The following PHYKPL variants were observed in gnomAD, a reference collection of about 807,000 sequenced individuals.
PHYKPL encodes the protein 5-phosphohydroxy-L-lysine phospho-lyase.
A neutral mutation model predicts 51.3 loss-of-function variants in PHYKPL; 42 were observed. That is an observed-to-expected ratio of 0.82 (90% CI 0.64 to 1.06). PHYKPL has a LOEUF of 1.06. Ranked by LOEUF, PHYKPL falls within the 50% of genes least tolerant of loss-of-function variation. The pLI is 0.00. For missense variants in PHYKPL, 655 were observed against 586.6 expected (o/e 1.12, Z -1.20); for synonymous variants, 264 against 236.0 (o/e 1.12, Z -1.09).
chr5:178,214,953 T>C (rs2113751587), intron 9 of PHYKPL, 68 bp from the exon 10 acceptor site: 1 of 1,463,420 alleles, frequency 6.8e-7, no homozygotes, highest in Non-Finnish European at 9.5e-7. Context: ...CCTCAGCCTC[T>C]GGGCTCCTAC....
intron 8 of PHYKPL, among the ~76,000 whole-genome samples, chr5:178,219,708 C>T (rs1760736963): frequency 2.6e-5 from 4 of 151,916 alleles, no homozygotes; most frequent in South Asian, 2.1e-4. Flanking sequence ...CCTCGGCTTC[C>T]CAAAGTGCTG....
intron 7 of PHYKPL, 71 bp from the exon 8 acceptor site, chr5:178,222,651 G>A (rs573701859): frequency 2.4e-5 from 37 of 1,526,996 alleles, no homozygotes; most frequent in East Asian, 2.1e-4. Flanking sequence ...AGGAGGTCTC[G>A]GGGCTTTGCA....
intron 1 of PHYKPL, 43 bp from the exon 2 acceptor site, chr5:178,231,566 G>C: frequency 6.2e-7 from 1 of 1,613,798 alleles, no homozygotes; most frequent in East Asian, 2.2e-5. Context: ...TCTGAAGACC[G>C]AAAGGGTGAA....
rs1437178444 is a variant in PHYKPL, at chr5:178,215,127, A to C, written c.1082+149T>G. Reference sequence around the variant, plus strand: ...GTCCTAGCTTTCTCCTCCCCAGGAGAGCCGTTTTGGGCAATAGCACCTCTC... The same window carrying C: ...GTCCTAGCTTTCTCCTCCCCAGGAGCGCCGTTTTGGGCAATAGCACCTCTC... On this transcript the variant is annotated intron_variant, in intron 9 of 12. Transcript: ENST00000308158. 26 of 1,286,550 alleles carry C rather than the reference A, an allele frequency of 2.0e-5. No homozygotes were observed. In the Admixed American group the frequency reaches 3.6e-4, roughly 18 times the overall value. 79.7% of individuals were successfully genotyped at this position (1,286,550 alleles called of 1,614,324 possible).
In PHYKPL at chr5:178,224,479, A is replaced by G. The variant is rs772711899; in HGVS notation, c.587T>C (p.Val196Ala). Residue 196 changes from valine (V) to alanine (A), a missense_variant, in exon 6 of 13, where the codon GTG becomes GCG. Val to Ala is a moderately conservative substitution (Grantham distance 64). Transcript: ENST00000308158. The stretch of plus-strand genomic sequence containing the variant: ...GCCCTTCTCCTGTGCACTGCTGACC[A>G]CACGTTTCACCTCGTTGGCATAGGC... The part of the protein sequence containing the change: ...AMAYANEVKR[V>A]VSSAQEKGRK... 3 of 1,605,640 alleles carry G rather than the reference A, an allele frequency of 1.9e-6. No homozygotes were observed. Among genetic ancestry groups the G allele is most frequent in the African/African-American group, 2.7e-5 (2 of 74,984 alleles).
chr5:178,220,364 G>A (rs552594016), intron 8 of PHYKPL, among the ~76,000 whole-genome samples: 7 of 151,712 alleles, frequency 4.6e-5, no homozygotes, highest in South Asian at 4.2e-4. Flanking sequence ...CAGGTGTGGC[G>A]CATGCCTGTA....
Position 178,222,447 on chromosome 5 carries a change from A to C in PHYKPL, c.835T>G (p.Ser279Ala). ...FVPDIVTMGKSIGNGHPVACV... is the reference protein window; with the variant it reads ...FVPDIVTMGKAIGNGHPVACV... ...GCAACAGGGTGGCCGTTGCCAATGG[A>C]CTTGCCCATGGTGACGATGTCAGGG... Residue 279 changes from serine (S) to alanine (A), a missense_variant, in exon 8 of 13, where the codon TCC becomes GCC. By Grantham distance (99) the Ser-to-Ala change is moderately conservative. Coordinates refer to ENST00000308158, the MANE Select transcript of PHYKPL (RefSeq NM_153373.4). 1 of 1,614,262 alleles carries C rather than the reference A, an allele frequency of 6.2e-7. No individual in the cohort carries two copies. Among genetic ancestry groups the C allele is most frequent in the Non-Finnish European group, 8.5e-7 (1 of 1,180,054 alleles).
chr5:178,231,368 C>T (rs1466401270), intron 2 of PHYKPL, 37 bp downstream of exon 2: 20 of 1,613,932 alleles, frequency 1.2e-5, no homozygotes, highest in Non-Finnish European at 2.5e-6. Flanking sequence ...GCACTGCCTT[C>T]CTCTCCTGCC....
Position 178,229,862 on chromosome 5 carries a change from A to G in PHYKPL, c.338+78T>C, listed in dbSNP as rs569015593. ...TCCGAGTCCACACTCGGTCAGCTAC[A>G]CTACACTGGGCCCATGTGAGTGACT... is the stretch of plus-strand genomic sequence containing the variant. On this transcript the variant is annotated intron_variant, in intron 3 of 12. Transcript: ENST00000308158. 8.2e-5 allele frequency: 128 copies of G among 1,553,696 alleles called. No homozygotes were observed. The Admixed American group carries it at 1.8e-3, about 22-fold the overall frequency.
At chr5:178,229,103 AT>A (rs55725801) in intron 3 of PHYKPL, among the ~76,000 whole-genome samples, 3,158 of 118,208 alleles carry the variant, frequency 0.027, 61 homozygotes, top group African/African-American at 0.086. Flanking sequence ...TGATGAGACT[AT>A]TTTTTTTTTT....
At chr5:178,225,541 C>T in intron 3 of PHYKPL, 112 bp from the exon 4 acceptor site, 2 of 972,074 alleles carry the variant, frequency 2.1e-6, no homozygotes, top group Non-Finnish European at 3.2e-6. Context: ...AGGACATCAA[C>T]TAGTCAGTCA....
downstream of PHYKPL, chr5:178,207,276 CCT>C: frequency 6.2e-7 from 1 of 1,605,916 alleles, no homozygotes; most frequent in Non-Finnish European, 8.5e-7. Flanking sequence ...GAGAGCTGGC[CCT>C]TAGAGGGATG....
chr5:178,212,967 G>A lies in PHYKPL; in HGVS notation c.1303+6C>T. ...AGATATGGCCAAGCTCAGGCTTCAA[G>A]CTCACCAGTCAGAATGGCATCCAGC... On this transcript the variant is annotated splice_donor_region_variant and intron_variant, in intron 11 of 12. Transcript: ENST00000308158. 2 of 1,613,902 alleles carry A rather than the reference G, an allele frequency of 1.2e-6. No individual in the cohort carries two copies. Among genetic ancestry groups the A allele is most frequent in the African/African-American group, 1.3e-5 (1 of 75,050 alleles).
At chr5:178,211,862 T>C in intron 12 of PHYKPL, 28 bp downstream of exon 12, 1 of 1,555,310 alleles carries the variant, frequency 6.4e-7, no homozygotes, top group Non-Finnish European at 8.9e-7. Context: ...CTGTGCATCT[T>C]CAAGAGTAAG....
At chr5:178,213,797 C>T (rs945358195) in intron 10 of PHYKPL, among the ~76,000 whole-genome samples, 10 of 152,318 alleles carry the variant, frequency 6.6e-5, no homozygotes, top group Admixed American at 2.6e-4. Context: ...GTCTTCCTGG[C>T]ACTGACCATG....
chr5:178,232,015 G>GGCCC, intron 1 of PHYKPL: 1 of 1,202,420 alleles, frequency 8.3e-7, no homozygotes, highest in Non-Finnish European at 1.1e-6. Context: ...TCCCACCGAG[G>GGCCC]GCCCCCTCAC....
chr5:178,230,083 A>G lies in PHYKPL; in HGVS notation c.195T>C (p.Pro65=). ...SNVAHVGHCH[P]LVVQAAHEQN... ...GCTCATGTGCTGCTTGGACCACGAG[A>G]GGGTGGCAGTGCCCAACTGGAAGAG... The change falls in exon 3 of 13, where the codon CCT becomes CCC. Residue 65 remains proline (P), a synonymous_variant. Transcript: ENST00000308158. The G allele has an allele frequency of 6.2e-7, 1 of 1,614,028 alleles. No individual in the cohort carries two copies. Among genetic ancestry groups the G allele is most frequent in the South Asian group, 1.1e-5 (1 of 91,090 alleles).
intron 8 of PHYKPL, 25 bp downstream of exon 8, chr5:178,222,330 C>T: frequency 6.3e-7 from 1 of 1,591,354 alleles, no homozygotes; most frequent in Non-Finnish European, 8.6e-7. Context: ...CCATGTTGCT[C>T]CCTTGACTTA....
intron 3 of PHYKPL, chr5:178,228,685 T>A: frequency 1.4e-6 from 1 of 692,232 alleles, no homozygotes. Context: ...TCACTATAAT[T>A]CAACGCCACC....
Sources: allele counts gnomAD v4.1 joint callset (sites outside exome capture counted in the v4.1 genomes callset), GRCh38; gene constraint gnomAD v4.1.1; transcripts MANE v1.5; gene names NCBI Gene and HGNC (gene_info 2026-07-23, HGNC 2026-07-21).